Variants in OR56A3 observed in about 807,000 individuals in gnomAD.
The protein encoded by OR56A3 is olfactory receptor 56A3.
In OR56A3, 23 loss-of-function variants were observed where a neutral mutation model predicts 17.5. The observed-to-expected ratio is 1.32, with a 90% CI of 0.95 to 1.87. The LOEUF is 1.87. Ranked by LOEUF, OR56A3 falls within the 40% of genes most tolerant of loss-of-function variation. OR56A3 has a pLI of 0.00. For missense variants in OR56A3, 366 were observed against 380.1 expected, an observed-to-expected ratio of 0.96 and a Z score of 0.31; for synonymous variants, 175 against 150.6, an observed-to-expected ratio of 1.16 and a Z score of -1.19.
the OR56A3 span, among the ~76,000 whole-genome samples, chr11:6,015,778 C>G: frequency 6.6e-6 from 1 of 152,184 alleles, no homozygotes; most frequent in Non-Finnish European, 1.5e-5. Context: ...GCCTGTACCC[C>G]CGTTGTATGA....
At chr11:5,982,422 A>G in the OR56A3 span, among the ~76,000 whole-genome samples, 1 of 152,130 alleles carries the variant, frequency 6.6e-6, no homozygotes, top group Non-Finnish European at 1.5e-5. Context: ...CTCTCTGACA[A>G]TTAGGTGGAG....
At chr11:5,997,036 G>A in the OR56A3 span, among the ~76,000 whole-genome samples, 1 of 152,294 alleles carries the variant, frequency 6.6e-6, no homozygotes, top group Admixed American at 6.5e-5. Flanking sequence ...TTCTCTAGGA[G>A]GGGTGAATTA....
chr11:5,964,793 A>T, the OR56A3 span, among the ~76,000 whole-genome samples: 94,138 of 152,020 alleles, frequency 0.62, 29,678 homozygotes, highest in African/African-American at 0.72. Flanking sequence ...TGCTGGGTTT[A>T]ACTGTGGCAT....
the OR56A3 span, among the ~76,000 whole-genome samples, chr11:6,013,890 G>T: frequency 1.4e-4 from 22 of 152,256 alleles, no homozygotes; most frequent in African/African-American, 5.1e-4. Flanking sequence ...ACCTGTGCAT[G>T]CCACCTGGAA....
chr11:6,013,259 C>G, the OR56A3 span, among the ~76,000 whole-genome samples: 1 of 152,222 alleles, frequency 6.6e-6, no homozygotes, highest in Admixed American at 6.5e-5. Context: ...GCTCCAGGCC[C>G]TTGCTGGGCA....
chr11:5,991,329 A>C, the OR56A3 span, among the ~76,000 whole-genome samples: 1 of 152,106 alleles, frequency 6.6e-6, no homozygotes, highest in Non-Finnish European at 1.5e-5. Flanking sequence ...CTCACAGGTT[A>C]GCTCTCAGCC....
chr11:5,998,541 A>G, the OR56A3 span, among the ~76,000 whole-genome samples: 2 of 152,250 alleles, frequency 1.3e-5, no homozygotes, highest in African/African-American at 4.8e-5. Context: ...AAAATATTTC[A>G]GAAGCAGCGA....
the OR56A3 span, chr11:5,968,264 G>T: frequency 6.2e-7 from 1 of 1,613,464 alleles, no homozygotes. Context: ...TGACGGTGAG[G>T]CAGAGTACGA....
the OR56A3 span, chr11:5,994,912 G>C: frequency 1.3e-6 from 1 of 755,266 alleles, no homozygotes; most frequent in South Asian, 1.3e-5. Flanking sequence ...GGCTTTGCAT[G>C]GTCTCCTTCT....
the OR56A3 span, among the ~76,000 whole-genome samples, chr11:5,971,463 C>A: frequency 6.6e-6 from 1 of 152,166 alleles, no homozygotes; most frequent in Admixed American, 6.5e-5. Context: ...TCTGATCCAT[C>A]CTCTTCAAGT....
At position 5,950,146 on chromosome 11, in the gene OR56A3, A is replaced by T. The variant is rs917497662; in HGVS notation, c.*1852A>T. On this transcript the variant is annotated 3_prime_UTR_variant, in exon 3 of 3. Transcript: ENST00000641160. ...AAATATTAAAAATCTGAAAGTTTTA[A>T]CAATATGCTATATTAACATATACTT... The T allele has an allele frequency of 6.6e-6, 1 of 152,340 alleles. No homozygotes were observed. Among genetic ancestry groups the T allele is most frequent in the East Asian group, 1.9e-4 (1 of 5,190 alleles). 9.4% of individuals were successfully genotyped at this position (152,340 alleles called of 1,614,324 possible). A position where few individuals can be genotyped will look rare whatever the true frequency, so the allele number is the denominator to read the frequency against.
the OR56A3 span, among the ~76,000 whole-genome samples, chr11:5,962,599 C>T: frequency 1.5e-4 from 22 of 147,150 alleles, no homozygotes; most frequent in Admixed American, 1.0e-3. Context: ...ACTGCAGTGG[C>T]GCAATCTCGG....
chr11:6,010,240 C>T, the OR56A3 span, among the ~76,000 whole-genome samples: 1 of 152,036 alleles, frequency 6.6e-6, no homozygotes, highest in African/African-American at 2.4e-5. Context: ...TTGCTCATGC[C>T]GACTTTGTAA....
intron 1 of OR56A3, among the ~76,000 whole-genome samples, chr11:5,943,078 G>C (rs2059365317): frequency 6.6e-6 from 1 of 152,234 alleles, no homozygotes. Context: ...AACCAAGATT[G>C]AATAATGAAA....
chr11:6,010,338 TG>T, the OR56A3 span, among the ~76,000 whole-genome samples: 3 of 152,190 alleles, frequency 2.0e-5, no homozygotes, highest in African/African-American at 7.2e-5. Flanking sequence ...TTTGAATGTT[TG>T]GGTCCTCTTC....
chr11:6,018,164 C>T, the OR56A3 span, among the ~76,000 whole-genome samples: 1 of 152,066 alleles, frequency 6.6e-6, no homozygotes, highest in African/African-American at 2.4e-5. Context: ...CAACGCCCAA[C>T]TCTCAGCATT....
the OR56A3 span, chr11:5,968,603 T>G: frequency 1.2e-6 from 1 of 863,180 alleles, no homozygotes; most frequent in Non-Finnish European, 1.8e-6. Flanking sequence ...ATTTTCTAAT[T>G]TATAAAATGT....
intron 1 of OR56A3, among the ~76,000 whole-genome samples, chr11:5,943,119 C>G (rs1010371638): frequency 6.6e-6 from 1 of 152,142 alleles, no homozygotes; most frequent in Non-Finnish European, 1.5e-5. Flanking sequence ...TTTCCAGATG[C>G]TTTACTTCTA....
chr11:5,986,681 G>A, the OR56A3 span: 4 of 1,613,972 alleles, frequency 2.5e-6, no homozygotes, highest in Non-Finnish European at 3.4e-6. Context: ...ATGGCAGCTA[G>A]CATGGACAGG....
Sources: allele counts gnomAD v4.1 joint callset (sites outside exome capture counted in the v4.1 genomes callset), GRCh38; gene constraint gnomAD v4.1.1; transcripts MANE v1.5; gene names NCBI Gene and HGNC (gene_info 2026-07-23, HGNC 2026-07-21).